The following ABLIM1 variants were observed in gnomAD, a reference collection of about 807,000 sequenced individuals.
ABLIM1 encodes actin binding LIM protein 1.
A neutral mutation model predicts 107.0 loss-of-function variants in ABLIM1; 40 were observed. The observed-to-expected ratio is 0.37, with a 90% CI of 0.29 to 0.49. The LOEUF is 0.49. Ranked by LOEUF, ABLIM1 falls within the 20% of genes least tolerant of loss-of-function variation. The probability of loss-of-function intolerance (pLI) is 0.97; values close to 1 mark genes in which losing one functional copy is unlikely to be tolerated. For synonymous variants in ABLIM1, 357 were observed against 357.3 expected (o/e 1.00, Z 0.01); for missense variants, 857 against 1,008.5 (o/e 0.85, Z 2.04).
intron 1 of ABLIM1, among the ~76,000 whole-genome samples, chr10:114,602,483 G>A (rs780924151): frequency 1.1e-4 from 17 of 152,142 alleles, no homozygotes; most frequent in African/African-American, 2.4e-4. Flanking sequence ...GTTTCTTTAC[G>A]TATTAATTAG....
intron 1 of ABLIM1, among the ~76,000 whole-genome samples, chr10:114,745,231 T>C (rs1006171728): frequency 1.3e-5 from 2 of 152,224 alleles, no homozygotes; most frequent in Non-Finnish European, 2.9e-5. Context: ...CTATCCTGCC[T>C]GACACGTAGT....
chr10:114,529,725 G>A lies in ABLIM1; in HGVS notation c.894+15280C>T, dbSNP rs181113820. ...ACACGATTTGGGGAAAGAACGTGAA[G>A]AGGAAATAACCCGAAGGTGGGCTGG... On this transcript the variant is annotated intron_variant, in intron 6 of 22. Coordinates refer to ENST00000533213, the MANE Select transcript of ABLIM1 (RefSeq NM_002313.7). 1.8e-3 allele frequency among the ~76,000 whole-genome samples: 270 copies of A among 152,276 alleles called. 2 individuals carry two copies. The highest frequency in any genetic ancestry group is 6.3e-3 in the African/African-American group (260 of 41,566).
intron 4 of ABLIM1, among the ~76,000 whole-genome samples, chr10:114,569,564 C>T (rs537668047): frequency 2.6e-5 from 4 of 152,220 alleles, no homozygotes; most frequent in Admixed American, 6.5e-5. Context: ...GTGATCTGCC[C>T]GTCTCAGCCT....
chr10:114,787,156 G>A, the ABLIM1 span, among the ~76,000 whole-genome samples: 1 of 151,682 alleles, frequency 6.6e-6, no homozygotes, highest in African/African-American at 2.4e-5. Context: ...CGCCCCGTCC[G>A]GGATGTGAGG....
chr10:114,753,071 A>G (rs2082552790), intron 1 of ABLIM1, among the ~76,000 whole-genome samples: 1 of 152,230 alleles, frequency 6.6e-6, no homozygotes, highest in Non-Finnish European at 1.5e-5. Flanking sequence ...TAATCCTGTA[A>G]CAGGCAATGA....
upstream of ABLIM1, among the ~76,000 whole-genome samples, chr10:114,660,635 A>T (rs2079752964): frequency 6.6e-6 from 1 of 151,974 alleles, no homozygotes; most frequent in African/African-American, 2.4e-5. Context: ...TAGTGTGGGA[A>T]CCCCTGCCTT....
At chr10:114,528,238 G>T (rs2065067164) in intron 6 of ABLIM1, among the ~76,000 whole-genome samples, 1 of 152,170 alleles carries the variant, frequency 6.6e-6, no homozygotes, top group Non-Finnish European at 1.5e-5. Context: ...CCAAAGTGCT[G>T]CAATTATAGG....
intron 9 of ABLIM1, 117 bp downstream of exon 9, chr10:114,473,762 T>A (rs2067033546): frequency 1.3e-6 from 1 of 751,658 alleles, no homozygotes. Context: ...AAATCAGGTC[T>A]CATAACAAAA....
At chr10:114,755,413 G>A (rs1462320224) in intron 1 of ABLIM1, among the ~76,000 whole-genome samples, 1 of 152,140 alleles carries the variant, frequency 6.6e-6, no homozygotes. Context: ...GAGTGACTAT[G>A]GCCTTCCAAT....
At chr10:114,532,445 C>T (rs1050764323) in intron 6 of ABLIM1, among the ~76,000 whole-genome samples, 3 of 152,194 alleles carry the variant, frequency 2.0e-5, no homozygotes, top group African/African-American at 7.2e-5. Context: ...CGGGAAGCCA[C>T]GAGGTCCAGG....
chr10:114,790,903 A>G, the ABLIM1 span, among the ~76,000 whole-genome samples: 1 of 152,164 alleles, frequency 6.6e-6, no homozygotes, highest in Non-Finnish European at 1.5e-5. Flanking sequence ...ATGCCCTAAA[A>G]TTGTAATTAA....
At chr10:114,552,977 G>A (rs181679517) in intron 4 of ABLIM1, among the ~76,000 whole-genome samples, 1 of 152,320 alleles carries the variant, frequency 6.6e-6, no homozygotes, top group East Asian at 1.9e-4. Context: ...GACACAACTT[G>A]AAAATAAAGA....
At chr10:114,710,962 A>G (rs1286602654) in intron 1 of ABLIM1, among the ~76,000 whole-genome samples, 2 of 152,280 alleles carry the variant, frequency 1.3e-5, no homozygotes, top group Non-Finnish European at 2.9e-5. Context: ...AAGACATCTG[A>G]TGGGTTCCAC....
At chr10:114,743,004 T>C (rs1241482235) in intron 1 of ABLIM1, among the ~76,000 whole-genome samples, 2 of 152,206 alleles carry the variant, frequency 1.3e-5, no homozygotes, top group Non-Finnish European at 2.9e-5. Flanking sequence ...TCTTAGAACA[T>C]TGCTTGGCAC....
intron 1 of ABLIM1, among the ~76,000 whole-genome samples, chr10:114,714,120 C>T (rs1017806060): frequency 2.0e-5 from 3 of 152,116 alleles, no homozygotes; most frequent in Non-Finnish European, 4.4e-5. Context: ...CTGAAGTGGC[C>T]CTTCTATGTT....
intron 1 of ABLIM1, among the ~76,000 whole-genome samples, chr10:114,732,655 C>T (rs146798817): frequency 2.4e-4 from 37 of 152,160 alleles, no homozygotes; most frequent in African/African-American, 8.4e-4. Flanking sequence ...AAGATTTATA[C>T]CTATGTTTTT....
chr10:114,670,245 C>A (rs949331051), intron 1 of ABLIM1, among the ~76,000 whole-genome samples: 1 of 152,150 alleles, frequency 6.6e-6, no homozygotes, highest in African/African-American at 2.4e-5. Flanking sequence ...CAGGTCTACC[C>A]CTCTGTGATG....
the ABLIM1 span, among the ~76,000 whole-genome samples, chr10:114,775,610 C>T: frequency 5.7e-4 from 87 of 152,296 alleles, 1 homozygote; most frequent in Admixed American, 2.2e-3. Flanking sequence ...GTTTTACAAG[C>T]CTTCTCAGTC....
At chr10:114,659,723 C>T (rs111338579), upstream of ABLIM1, among the ~76,000 whole-genome samples, 17 of 152,244 alleles carry the variant, frequency 1.1e-4, no homozygotes, top group African/African-American at 3.1e-4. Flanking sequence ...AACATTCTCC[C>T]AGACTAGTGC....
Sources: allele counts gnomAD v4.1 joint callset (sites outside exome capture counted in the v4.1 genomes callset), GRCh38; gene constraint gnomAD v4.1.1; transcripts MANE v1.5; gene names NCBI Gene and HGNC (gene_info 2026-07-23, HGNC 2026-07-21).